PACRG: variants seen among roughly 807,000 people sequenced by gnomAD.
The protein encoded by PACRG is parkin coregulated gene protein.
In PACRG, 29 loss-of-function variants were observed where a neutral mutation model predicts 29.7. That is an observed-to-expected ratio of 0.98 (90% confidence interval 0.73 to 1.33). PACRG has a LOEUF of 1.33. Among genes scored for constraint, PACRG ranks in the 40% most tolerant of loss-of-function variants. PACRG has a pLI of 0.00. For synonymous variants in PACRG, 116 were observed against 118.7 expected, an observed-to-expected ratio of 0.98 and a Z score of 0.15; for missense variants, 279 against 316.2, an observed-to-expected ratio of 0.88 and a Z score of 0.89.
intron 2 of PACRG, among the ~76,000 whole-genome samples, chr6:162,930,091 C>T (rs1797737510): frequency 6.6e-6 from 1 of 151,578 alleles, no homozygotes; most frequent in Non-Finnish European, 1.5e-5. Context: ...TTCATGATTC[C>T]ATATAATCTT....
chr6:162,888,858 G>T lies in PACRG; in HGVS notation c.291+74577G>T, dbSNP rs535206085. ...GAAAAACCCTTCCCTGAGGCAACCAGACCCAGCTGCTGCCCAAATAGGAAG... is the reference window on the plus strand; with the variant it reads ...GAAAAACCCTTCCCTGAGGCAACCATACCCAGCTGCTGCCCAAATAGGAAG... On this transcript the variant is annotated intron_variant, in intron 2 of 4. Transcript: ENST00000366888. Among the ~76,000 whole-genome samples, 6 of 152,252 alleles carry T rather than the reference G, an allele frequency of 3.9e-5. No homozygotes were observed. In the East Asian group the frequency reaches 1.2e-3, roughly 30 times the overall value.
chr6:162,872,321 T>TC (rs1792894245), intron 2 of PACRG, among the ~76,000 whole-genome samples: 1 of 152,354 alleles, frequency 6.6e-6, no homozygotes, highest in Middle Eastern at 3.4e-3. Flanking sequence ...AAATGTAATT[T>TC]TAAAATATCT....
At chr6:162,989,522 A>T (rs1183998212) in intron 2 of PACRG, among the ~76,000 whole-genome samples, 1 of 152,204 alleles carries the variant, frequency 6.6e-6, no homozygotes, top group Non-Finnish European at 1.5e-5. Context: ...TCTTGAGATT[A>T]CTTATAATAC....
intron 1 of PACRG, among the ~76,000 whole-genome samples, chr6:162,797,737 A>T (rs913740271): frequency 3.4e-4 from 52 of 152,044 alleles, no homozygotes; most frequent in Non-Finnish European, 1.2e-4. Flanking sequence ...CGTCTCTTTC[A>T]CATTATTCAT....
intron 1 of PACRG, among the ~76,000 whole-genome samples, chr6:162,732,572 A>G (rs1297614155): frequency 6.6e-6 from 1 of 152,236 alleles, no homozygotes; most frequent in East Asian, 1.9e-4. Context: ...TAAATGTGCT[A>G]CATTATTAGT....
chr6:162,874,704 G>A (rs1402543862), intron 2 of PACRG, among the ~76,000 whole-genome samples: 1 of 152,144 alleles, frequency 6.6e-6, no homozygotes, highest in Non-Finnish European at 1.5e-5. Context: ...CACAGAGAGA[G>A]GAAATGAGGC....
intron 2 of PACRG, among the ~76,000 whole-genome samples, chr6:162,836,585 C>T (rs1001457297): frequency 6.6e-6 from 1 of 152,178 alleles, no homozygotes; most frequent in South Asian, 2.1e-4. Flanking sequence ...AGGGAAGAGC[C>T]CTATGTCATT....
intron 1 of PACRG, among the ~76,000 whole-genome samples, chr6:162,787,816 G>T (rs1358782423): frequency 7.6e-6 from 1 of 132,168 alleles, no homozygotes; most frequent in African/African-American, 2.5e-5. Context: ...AAGAATGCCT[G>T]TCCTCTAATT....
chr6:163,239,939 TC>T (rs1469213955), intron 4 of PACRG, among the ~76,000 whole-genome samples: 2 of 77,464 alleles, frequency 2.6e-5, no homozygotes, highest in Non-Finnish European at 5.0e-5. Flanking sequence ...ACACTCACAC[TC>T]CCACCCCCCC....
intron 2 of PACRG, among the ~76,000 whole-genome samples, chr6:162,982,275 G>T (rs56654514): frequency 0.059 from 8,989 of 151,458 alleles, 646 homozygotes; most frequent in African/African-American, 0.17. Flanking sequence ...CTTTTATATT[G>T]TTTTCTTTTT....
chr6:162,949,510 A>G (rs1386969916), intron 2 of PACRG, among the ~76,000 whole-genome samples: 1 of 152,194 alleles, frequency 6.6e-6, no homozygotes. Flanking sequence ...GAGCAGTTGA[A>G]ATACTCTCAA....
chr6:163,144,782 A>T (rs555503759), intron 4 of PACRG, among the ~76,000 whole-genome samples: 1 of 152,292 alleles, frequency 6.6e-6, no homozygotes, highest in East Asian at 1.9e-4. Context: ...AGAAAAAAAA[A>T]GTAAGCACAG....
At chr6:162,856,279 G>C (rs959888031) in intron 2 of PACRG, among the ~76,000 whole-genome samples, 1 of 152,094 alleles carries the variant, frequency 6.6e-6, no homozygotes, top group Non-Finnish European at 1.5e-5. Flanking sequence ...GTCTGGTCTT[G>C]AACTCCTGGC....
At chr6:162,865,389 C>T (rs1413643444) in intron 2 of PACRG, among the ~76,000 whole-genome samples, 2 of 152,274 alleles carry the variant, frequency 1.3e-5, no homozygotes, top group South Asian at 2.1e-4. Context: ...TATAGGGATA[C>T]AGCATCTTAA....
At chr6:163,141,738 C>T (rs1230394807) in intron 4 of PACRG, among the ~76,000 whole-genome samples, 2 of 151,732 alleles carry the variant, frequency 1.3e-5, no homozygotes, top group East Asian at 1.9e-4. Context: ...ACCAAAATGA[C>T]GTAAAAATCA....
chr6:163,005,921 GTA>G (rs550831853), intron 2 of PACRG, among the ~76,000 whole-genome samples: 1 of 144,814 alleles, frequency 6.9e-6, no homozygotes, highest in Non-Finnish European at 1.5e-5. Context: ...TATATAACAT[GTA>G]TATATATAAC....
chr6:163,016,517 C>T (rs1188813464), intron 2 of PACRG, among the ~76,000 whole-genome samples: 1 of 151,734 alleles, frequency 6.6e-6, no homozygotes, highest in East Asian at 1.9e-4. Flanking sequence ...ATTTATAGAA[C>T]TGCAAGTATT....
At chr6:163,018,719 G>C (rs780383862) in intron 2 of PACRG, among the ~76,000 whole-genome samples, 1 of 152,024 alleles carries the variant, frequency 6.6e-6, no homozygotes, top group Non-Finnish European at 1.5e-5. Context: ...CCAGTAATAC[G>C]GCCTATCCTT....
intron 2 of PACRG, among the ~76,000 whole-genome samples, chr6:162,859,786 T>C (rs928652300): frequency 5.3e-5 from 8 of 152,196 alleles, no homozygotes; most frequent in Admixed American, 5.2e-4. Context: ...CACATTTCTA[T>C]ACAACTGTAC....
Sources: allele counts gnomAD v4.1 joint callset (sites outside exome capture counted in the v4.1 genomes callset), GRCh38; gene constraint gnomAD v4.1.1; transcripts MANE v1.5; gene names NCBI Gene and HGNC (gene_info 2026-07-23, HGNC 2026-07-21).